Variants in FAM193A observed in about 807,000 individuals in gnomAD.
FAM193A encodes protein FAM193A.
FAM193A carries 22 observed loss-of-function variants against 126.5 expected under a neutral mutation model. The observed-to-expected ratio is 0.17, with a 90% CI of 0.12 to 0.25. The LOEUF is 0.25. Among genes scored for constraint, FAM193A ranks in the 10% least tolerant of loss-of-function variants. The pLI, the probability that FAM193A is intolerant of heterozygous loss-of-function variation, is 1.00. For missense variants in FAM193A, 1,675 were observed against 1,672.8 expected (o/e 1.00, Z -0.02); for synonymous variants, 761 against 646.8 (o/e 1.18, Z -2.68).
At chr4:2,709,455 C>T (rs1718672019) in intron 19 of FAM193A, among the ~76,000 whole-genome samples, 1 of 152,114 alleles carries the variant, frequency 6.6e-6, no homozygotes, top group Non-Finnish European at 1.5e-5. Context: ...TGCCTATAAT[C>T]CCAGCATTTT....
intron 10 of FAM193A, among the ~76,000 whole-genome samples, chr4:2,660,921 T>C (rs777169148): frequency 6.6e-6 from 1 of 152,244 alleles, no homozygotes; most frequent in Non-Finnish European, 1.5e-5. Flanking sequence ...GGCTGCTGTT[T>C]ATTGCCTTAG....
At chr4:2,664,252 C>A (rs1712827643) in intron 12 of FAM193A, among the ~76,000 whole-genome samples, 1 of 152,148 alleles carries the variant, frequency 6.6e-6, no homozygotes, top group Non-Finnish European at 1.5e-5. Context: ...TTTGACTCAG[C>A]ATTTAGTTAT....
At chr4:2,712,940 TAAAA>T (rs1282310857) in intron 19 of FAM193A, among the ~76,000 whole-genome samples, 1 of 150,954 alleles carries the variant, frequency 6.6e-6, no homozygotes, top group Non-Finnish European at 1.5e-5. Context: ...CCATCTCTAC[TAAAA>T]AATACAAAAA....
At chr4:2,631,222 T>A in intron 5 of FAM193A, 53 bp downstream of exon 5, 1 of 1,530,490 alleles carries the variant, frequency 6.5e-7, no homozygotes, top group Non-Finnish European at 8.9e-7. Flanking sequence ...AAGAGAAGCA[T>A]GTGGCAAGAG....
At chr4:2,550,487 A>T (rs751157116) in intron 1 of FAM193A, among the ~76,000 whole-genome samples, 1 of 151,994 alleles carries the variant, frequency 6.6e-6, no homozygotes, top group Non-Finnish European at 1.5e-5. Context: ...CCCAGGCTGC[A>T]GTGTAATGGC....
intron 13 of FAM193A, among the ~76,000 whole-genome samples, chr4:2,677,560 T>C (rs1306965383): frequency 1.3e-5 from 2 of 151,872 alleles, no homozygotes; most frequent in Non-Finnish European, 2.9e-5. Context: ...GCTAATACAG[T>C]GAAACCCTGT....
chr4:2,681,209 G>A (rs1023766168), intron 13 of FAM193A, among the ~76,000 whole-genome samples: 2 of 151,486 alleles, frequency 1.3e-5, no homozygotes, highest in African/African-American at 2.4e-5. Context: ...TCTGATTATA[G>A]TAATTTGAGT....
intron 2 of FAM193A, among the ~76,000 whole-genome samples, chr4:2,600,866 C>T (rs1239342057): frequency 1.3e-5 from 2 of 152,328 alleles, no homozygotes; most frequent in Non-Finnish European, 1.5e-5. Context: ...CCCTTCACAG[C>T]CATGTATGTC....
At chr4:2,655,399 T>G (rs1005826980) in intron 7 of FAM193A, among the ~76,000 whole-genome samples, 2 of 152,110 alleles carry the variant, frequency 1.3e-5, no homozygotes, top group Non-Finnish European at 2.9e-5. Flanking sequence ...ATTATTAAAT[T>G]TATTAGCTGA....
chr4:2,725,760 G>A lies in FAM193A; in HGVS notation c.4455-6015G>A, dbSNP rs552242690. ...ATAGTCTTGCTCTGTCACCCAGGCC[G>A]GAGTGCAGTGGTATGATCTTGGCTC... On this transcript the variant is annotated intron_variant, in intron 20 of 20. Transcript: ENST00000637812. Among the ~76,000 whole-genome samples, 520 of 151,470 alleles carry A rather than the reference G, an allele frequency of 3.4e-3. 8 individuals are homozygous for A. Among genetic ancestry groups the A allele is most frequent in the African/African-American group, 0.012 (487 of 41,222 alleles).
Position 2,677,403 on chromosome 4 carries a change from G to GTTGTT in FAM193A, c.2331+5054_2331+5058dup, listed in dbSNP as rs144082339. On this transcript the variant is annotated intron_variant, in intron 13 of 20. Coordinates refer to ENST00000637812, the MANE Select transcript of FAM193A (RefSeq NM_001366318.2). ...TCCACCAGGTTTGGTGGGTTTTTTT[G>GTTGTT]TTGTTTTGTTTTGTTTTGTTTTGTT... is the stretch of plus-strand genomic sequence containing the variant. Among the ~76,000 whole-genome samples, 426 of 151,894 alleles carry GTTGTT rather than the reference G, an allele frequency of 2.8e-3. 1 individual carries two copies. The highest frequency in any genetic ancestry group is 9.6e-3 in the Admixed American group (146 of 15,244).
intron 12 of FAM193A, among the ~76,000 whole-genome samples, chr4:2,667,130 A>G (rs1713209134): frequency 6.6e-6 from 1 of 152,226 alleles, no homozygotes. Context: ...AAATAATTTG[A>G]ACTTTGTTCT....
chr4:2,597,304 T>C (rs1740919642), intron 2 of FAM193A, among the ~76,000 whole-genome samples: 1 of 152,290 alleles, frequency 6.6e-6, no homozygotes, highest in African/African-American at 2.4e-5. Flanking sequence ...ATATAAACTC[T>C]ACAAAGACAG....
intron 7 of FAM193A, among the ~76,000 whole-genome samples, chr4:2,657,237 C>T (rs1463826101): frequency 6.6e-6 from 1 of 152,038 alleles, no homozygotes; most frequent in Non-Finnish European, 1.5e-5. Flanking sequence ...TTTAATGTTA[C>T]CTTTTTCCCC....
intron 6 of FAM193A, among the ~76,000 whole-genome samples, chr4:2,642,695 G>A (rs1339662300): frequency 6.6e-6 from 1 of 151,818 alleles, no homozygotes; most frequent in Non-Finnish European, 1.5e-5. Context: ...ACTGTGGGTG[G>A]GTGACTGAAA....
intron 1 of FAM193A, among the ~76,000 whole-genome samples, chr4:2,560,113 T>C (rs555287393): frequency 8.5e-5 from 13 of 152,104 alleles, no homozygotes; most frequent in Admixed American, 3.9e-4. Context: ...AGCTAATCTT[T>C]TGTATGTTTA....
At chr4:2,642,772 G>A (rs2298960) in intron 6 of FAM193A, among the ~76,000 whole-genome samples, 48,599 of 143,634 alleles carry the variant, frequency 0.34, 9,445 homozygotes, top group Admixed American at 0.54. Context: ...TTGTTCTGTC[G>A]CCCAGGCTGG....
At chr4:2,586,269 A>G (rs1016597303) in intron 1 of FAM193A, among the ~76,000 whole-genome samples, 2 of 151,986 alleles carry the variant, frequency 1.3e-5, no homozygotes. Context: ...ATATATATAT[A>G]GTTGAATCTG....
chr4:2,686,393 G>GCTA, intron 13 of FAM193A, among the ~76,000 whole-genome samples: 1 of 152,234 alleles, frequency 6.6e-6, no homozygotes, highest in South Asian at 2.1e-4. Flanking sequence ...TAGACTCTAG[G>GCTA]AAGACAAAAA....
Sources: gnomAD v4.1 joint callset for allele counts (sites outside exome capture counted in the v4.1 genomes callset) on GRCh38, gnomAD v4.1.1 for gene constraint, MANE v1.5 for transcripts, NCBI Gene and HGNC (gene_info 2026-07-23, HGNC 2026-07-21) for gene names.